Variants in BICDL1 observed in about 807,000 individuals in gnomAD.
BICDL1 encodes the protein BICD family like cargo adaptor 1.
In BICDL1, 20 loss-of-function variants were observed where a neutral mutation model predicts 76.8. That is an observed-to-expected ratio of 0.26 (90% CI 0.18 to 0.38). The LOEUF (loss-of-function observed/expected upper bound fraction) is 0.38, where lower values mean the gene tolerates loss of function less well. Among genes scored for constraint, BICDL1 ranks in the 10% least tolerant of loss-of-function variants. The pLI is 1.00. For missense variants in BICDL1, 700 were observed against 798.6 expected (o/e 0.88, Z 1.49); for synonymous variants, 383 against 337.1 (o/e 1.14, Z -1.49).
At chr12:120,029,289 A>G (rs1952372839) in intron 2 of BICDL1, among the ~76,000 whole-genome samples, 1 of 152,130 alleles carries the variant, frequency 6.6e-6, no homozygotes, top group African/African-American at 2.4e-5. Flanking sequence ...CTATAATTTT[A>G]CCTAAAGGTT....
At chr12:120,068,996 G>A (rs1352864064) in intron 4 of BICDL1, among the ~76,000 whole-genome samples, 6 of 152,086 alleles carry the variant, frequency 3.9e-5, no homozygotes, top group African/African-American at 2.4e-5. Context: ...CCTGACCCCT[G>A]CGCTGCTGTC....
rs888072618 is a variant in BICDL1 at position 120,092,012 on chromosome 12, G to A, written c.1705-988G>A. On this transcript the variant is annotated intron_variant, in intron 9 of 9. Coordinates refer to ENST00000548673, the MANE Select transcript of BICDL1 (RefSeq NM_001367886.1). ...AAGCTTGGGGTCTTACCAGGATGCC[G>A]CAGAGCCTGCCAGGTTCAAGTCATG... 8.1e-6 allele frequency: 8 copies of A among 985,402 alleles called. No homozygotes were observed. In the Admixed American group the frequency reaches 1.8e-4, roughly 23 times the overall value. The allele number at this position is 985,402 out of a possible 1,614,324, so 61.0% of individuals were successfully genotyped here.
At position 120,006,352 on chromosome 12, in the gene BICDL1, C is replaced by G. The variant is rs147484730; in HGVS notation, c.645+7616C>G. Reference sequence around the variant, plus strand: ...TCACAATTTGAAAAATTCATTCATTCATTCATTCATTCAAATACTTATAAT... The same window carrying G: ...TCACAATTTGAAAAATTCATTCATTGATTCATTCATTCAAATACTTATAAT... On this transcript the variant is annotated intron_variant, in intron 2 of 9. Coordinates refer to ENST00000548673, the MANE Select transcript of BICDL1 (RefSeq NM_001367886.1). 6.6e-4 allele frequency among the ~76,000 whole-genome samples: 101 copies of G among 152,274 alleles called. 1 individual carries two copies. The highest frequency in any genetic ancestry group is 2.3e-3 in the African/African-American group (94 of 41,528).
intron 8 of BICDL1, among the ~76,000 whole-genome samples, chr12:120,084,636 C>T (rs554306720): frequency 2.6e-5 from 4 of 152,268 alleles, no homozygotes; most frequent in Admixed American, 2.6e-4. Context: ...CACCTGTAAT[C>T]CCAGCACTAT....
chr12:120,008,559 A>G (rs1461922865), intron 2 of BICDL1, among the ~76,000 whole-genome samples: 1 of 152,184 alleles, frequency 6.6e-6, no homozygotes, highest in African/African-American at 2.4e-5. Flanking sequence ...CACTGGCTTG[A>G]GGATTGGCTT....
intron 2 of BICDL1, among the ~76,000 whole-genome samples, chr12:120,049,875 T>G (rs1952820166): frequency 6.6e-6 from 1 of 152,256 alleles, no homozygotes; most frequent in Non-Finnish European, 1.5e-5. Context: ...AAGAAGAAAC[T>G]GGAAAGCTTT....
At chr12:120,074,390 A>G (rs960064367) in intron 6 of BICDL1, 53 bp from the exon 7 acceptor site, 7 of 1,017,812 alleles carry the variant, frequency 6.9e-6, no homozygotes, top group Middle Eastern at 2.7e-4. Flanking sequence ...CCCCTTCCCT[A>G]TCTCTCCTGT....
intron 3 of BICDL1, among the ~76,000 whole-genome samples, chr12:120,063,639 ACTAGAGAG>A (rs1370904092): frequency 2.0e-5 from 3 of 152,226 alleles, no homozygotes; most frequent in Non-Finnish European, 4.4e-5. Context: ...TCAAAGCTGG[ACTAGAGAG>A]CTTGGAGAAT....
chr12:120,039,133 C>T (rs1952582734), intron 2 of BICDL1, among the ~76,000 whole-genome samples: 1 of 151,696 alleles, frequency 6.6e-6, no homozygotes, highest in Non-Finnish European at 1.5e-5. Context: ...CCCATCTCTA[C>T]TAAAAATACA....
intron 2 of BICDL1, among the ~76,000 whole-genome samples, chr12:120,005,977 T>G (rs1951843315): frequency 6.6e-6 from 1 of 152,234 alleles, no homozygotes; most frequent in Admixed American, 6.5e-5. Flanking sequence ...AAATTTTTAA[T>G]AGATACTATC....
chr12:120,069,480 C>G lies in BICDL1; in HGVS notation c.910-2142C>G, dbSNP rs73410828. ...TGTGGAAACTGGAAAGAACCCTGGA[C>G]TGGGAGTCATGAGTCCAGTTCTGCT... On this transcript the variant is annotated intron_variant, in intron 4 of 9. Transcript: ENST00000548673. Among the ~76,000 whole-genome samples the G allele has an allele frequency of 5.4e-3, 829 of 152,306 alleles. 6 individuals carry two copies. The highest frequency in any genetic ancestry group is 0.019 in the African/African-American group (792 of 41,560).
intron 2 of BICDL1, among the ~76,000 whole-genome samples, chr12:120,023,726 G>A (rs1952230316): frequency 6.6e-6 from 1 of 151,820 alleles, no homozygotes; most frequent in African/African-American, 2.4e-5. Context: ...GGAGGCAGAG[G>A]TTGCAGTGAG....
Position 120,071,527 on chromosome 12 carries a change from T to C in BICDL1, c.910-95T>C. 7.7e-6 allele frequency: 11 copies of C among 1,428,248 alleles called. No individual in the cohort carries two copies. The highest frequency in any genetic ancestry group is 1.0e-5 in the Non-Finnish European group (11 of 1,078,826). The allele number at this position is 1,428,248 out of a possible 1,614,324, so 88.5% of individuals were successfully genotyped here. A position where few individuals can be genotyped will look rare whatever the true frequency, so the allele number is the denominator to read the frequency against. On this transcript the variant is annotated intron_variant, in intron 4 of 9. Transcript: ENST00000548673. This position sits in a 1 kb window ranked among gnomAD's most constrained non-coding sequence, Gnocchi z 4.8. ...CTCTCCTATTTATTTTTCTATAAATTGGTGGTTGGATCCAGAAGCATGATC... is the reference window on the plus strand; with the variant it reads ...CTCTCCTATTTATTTTTCTATAAATCGGTGGTTGGATCCAGAAGCATGATC...
intron 2 of BICDL1, among the ~76,000 whole-genome samples, chr12:120,030,226 AAAC>A (rs1361106173): frequency 6.6e-6 from 1 of 152,238 alleles, no homozygotes; most frequent in Non-Finnish European, 1.5e-5. Context: ...TATATTTAGT[AAAC>A]AACTGTTGGG....
intron 2 of BICDL1, among the ~76,000 whole-genome samples, chr12:120,040,665 C>T (rs770074257): frequency 1.3e-4 from 20 of 152,104 alleles, no homozygotes; most frequent in Non-Finnish European, 1.8e-4. Flanking sequence ...ATCTGTCAGC[C>T]GCAGTCTCCC....
intron 2 of BICDL1, among the ~76,000 whole-genome samples, chr12:120,022,198 G>C (rs1952198574): frequency 6.7e-6 from 1 of 149,860 alleles, no homozygotes; most frequent in South Asian, 2.1e-4. Flanking sequence ...CCAGAAAGTG[G>C]ACAACCTGTA....
At chr12:120,070,968 G>A (rs141472425) in intron 4 of BICDL1, among the ~76,000 whole-genome samples, 47 of 152,100 alleles carry the variant, frequency 3.1e-4, no homozygotes, top group Non-Finnish European at 5.4e-4. Flanking sequence ...GATTTCAGAT[G>A]ATCTGCCCCC....
chr12:119,996,847 A>G (rs943945882), intron 1 of BICDL1, among the ~76,000 whole-genome samples: 2 of 152,192 alleles, frequency 1.3e-5, no homozygotes, highest in African/African-American at 4.8e-5. Context: ...TAGATTTCCT[A>G]GAGTCCTTGA....
chr12:119,995,603 A>G (rs970157405), intron 1 of BICDL1, among the ~76,000 whole-genome samples: 7 of 152,180 alleles, frequency 4.6e-5, no homozygotes, highest in Non-Finnish European at 1.0e-4. Flanking sequence ...TTCATTTTGA[A>G]AAAATTGAAT....
Sources: allele counts gnomAD v4.1 joint callset (sites outside exome capture counted in the v4.1 genomes callset), GRCh38; gene constraint gnomAD v4.1.1; non-coding constraint Gnocchi (gnomAD v3.1); transcripts MANE v1.5; gene names NCBI Gene and HGNC (gene_info 2026-07-23, HGNC 2026-07-21).